The following ULK4 variants were observed in gnomAD, a reference collection of about 807,000 sequenced individuals.
The protein encoded by ULK4 is inactive serine/threonine-protein kinase ULK4.
In ULK4, 133 loss-of-function variants were observed where a neutral mutation model predicts 160.6. That is an observed-to-expected ratio of 0.83 (90% CI 0.72 to 0.96). The LOEUF (loss-of-function observed/expected upper bound fraction) is 0.96, where lower values mean the gene tolerates loss of function less well. Ranked by LOEUF, ULK4 falls within the 40% of genes least tolerant of loss-of-function variation. The pLI is 0.00. For synonymous variants in ULK4, 534 were observed against 539.8 expected, an observed-to-expected ratio of 0.99 and a Z score of 0.15; for missense variants, 1,580 against 1,499.5, an observed-to-expected ratio of 1.05 and a Z score of -0.89.
intron 13 of ULK4, chr3:41,898,962 A>G (rs371738807): frequency 6.5e-6 from 1 of 154,480 alleles, no homozygotes; most frequent in African/African-American, 2.4e-5. Flanking sequence ...CATGCAGGAC[A>G]TAACTACAGA....
intron 35 of ULK4, among the ~76,000 whole-genome samples, chr3:41,355,736 CA>C (rs2081017506): frequency 6.6e-6 from 1 of 152,180 alleles, no homozygotes; most frequent in Admixed American, 6.5e-5. Flanking sequence ...TGGAATAGTG[CA>C]TCACCACAGA....
At chr3:41,685,385 T>C (rs2036067432) in intron 27 of ULK4, among the ~76,000 whole-genome samples, 1 of 152,132 alleles carries the variant, frequency 6.6e-6, no homozygotes, top group Admixed American at 6.5e-5. Flanking sequence ...CTTTAATACA[T>C]TCCCACTGAT....
Position 41,883,931 on chromosome 3 carries a change from T to C in ULK4, c.1599A>G (p.Val533=), listed in dbSNP as rs1716687. Reference sequence around the variant, plus strand: ...CTGTGTGCGAAGCCAGTAAACCAATTACGTGAGCAACCTTGGCCCGTCTGT... The same window carrying C: ...CTGTGTGCGAAGCCAGTAAACCAATCACGTGAGCAACCTTGGCCCGTCTGT... ...NWDIRAKVAH[V]IGLLASHTAE... The change falls in exon 17 of 37, where the codon GTA becomes GTG. Residue 533 remains valine (V), a synonymous_variant. Transcript: ENST00000301831. 1,586,593 of 1,611,248 alleles carry C rather than the reference T, an allele frequency of 0.98. 783,468 individuals carry two copies. The highest frequency in any genetic ancestry group is 1 in the East Asian group (44,881 of 44,882).
intron 33 of ULK4, among the ~76,000 whole-genome samples, chr3:41,457,157 A>G (rs902343709): frequency 5.3e-5 from 8 of 152,114 alleles, no homozygotes; most frequent in Admixed American, 3.3e-4. Context: ...ACATTACCAC[A>G]TTATCCCTTA....
In ULK4 at chr3:41,896,831, A is replaced by G; in HGVS notation, c.1521T>C (p.His507=). 6.2e-7 allele frequency: 1 copy of G among 1,612,498 alleles called. No individual in the cohort carries two copies. Among genetic ancestry groups the G allele is most frequent in the Non-Finnish European group, 8.5e-7 (1 of 1,179,582 alleles). ...GHQEVATRLL[H]SPLFQLLIQH... ...TGTCACACAGGCTTACCAGGGGGGA[A>G]TGGAGGAGCCTGGTGGCCACCTCCT... is the stretch of plus-strand genomic sequence containing the variant. The change falls in exon 15 of 37, where the codon CAT becomes CAC. Residue 507 remains histidine, a synonymous_variant. Transcript: ENST00000301831.
intron 30 of ULK4, among the ~76,000 whole-genome samples, chr3:41,632,970 T>C (rs892096850): frequency 2.0e-5 from 3 of 151,938 alleles, no homozygotes; most frequent in East Asian, 1.9e-4. Flanking sequence ...GGTGGACAGA[T>C]AGAGATGAAG....
intron 31 of ULK4, among the ~76,000 whole-genome samples, chr3:41,608,055 A>C (rs1342253989): frequency 6.6e-6 from 1 of 152,194 alleles, no homozygotes; most frequent in Non-Finnish European, 1.5e-5. Flanking sequence ...TTTTGCTACA[A>C]AACAAAGATA....
chr3:41,939,375 G>A (rs1315640689), intron 2 of ULK4, among the ~76,000 whole-genome samples: 4 of 152,060 alleles, frequency 2.6e-5, no homozygotes, highest in African/African-American at 9.7e-5. Flanking sequence ...GGCCAGGCTG[G>A]TCTTGAACTC....
chr3:41,301,834 T>C (rs2079806430), intron 35 of ULK4, among the ~76,000 whole-genome samples: 1 of 152,166 alleles, frequency 6.6e-6, no homozygotes, highest in Non-Finnish European at 1.5e-5. Context: ...TAAGAGTTAT[T>C]TGATGTTTAC....
At chr3:41,621,926 A>C (rs138933553) in intron 30 of ULK4, among the ~76,000 whole-genome samples, 8 of 152,332 alleles carry the variant, frequency 5.3e-5, no homozygotes, top group Admixed American at 5.2e-4. Context: ...AGAAAAAAAC[A>C]AACAACCCCA....
intron 30 of ULK4, among the ~76,000 whole-genome samples, chr3:41,622,936 G>C (rs2033326338): frequency 1.3e-5 from 2 of 152,084 alleles, no homozygotes; most frequent in Non-Finnish European, 2.9e-5. Flanking sequence ...CAGCCATAAA[G>C]AATATAGAAA....
intron 19 of ULK4, among the ~76,000 whole-genome samples, chr3:41,810,031 G>A (rs2040771584): frequency 6.6e-6 from 1 of 152,180 alleles, no homozygotes; most frequent in South Asian, 2.1e-4. Context: ...TTCAGCTAAT[G>A]TGTTTATTAC....
intron 32 of ULK4, among the ~76,000 whole-genome samples, chr3:41,481,787 A>T (rs1371894909): frequency 6.9e-6 from 1 of 144,032 alleles, no homozygotes; most frequent in East Asian, 2.0e-4. Flanking sequence ...AGATCCCGCC[A>T]CTGCACTCCA....
chr3:41,896,675 G>C, intron 15 of ULK4, 147 bp downstream of exon 15: 2 of 860,790 alleles, frequency 2.3e-6, no homozygotes, highest in Non-Finnish European at 3.4e-6. Flanking sequence ...AGGACCTAAG[G>C]ATTAAGCAGA....
intron 21 of ULK4, among the ~76,000 whole-genome samples, chr3:41,782,836 G>A (rs73071338): frequency 0.12 from 18,837 of 152,080 alleles, 1,347 homozygotes; most frequent in Middle Eastern, 0.27. Flanking sequence ...GCAAATCAAT[G>A]GAAATTATTA....
intron 29 of ULK4, among the ~76,000 whole-genome samples, chr3:41,676,976 G>A (rs1044924871): frequency 2.1e-5 from 3 of 140,124 alleles, no homozygotes; most frequent in Non-Finnish European, 4.5e-5. Context: ...GTAGAATCAC[G>A]GTCACCATAT....
intron 22 of ULK4, among the ~76,000 whole-genome samples, chr3:41,747,087 G>C (rs1249197518): frequency 6.6e-6 from 1 of 151,746 alleles, no homozygotes; most frequent in Non-Finnish European, 1.5e-5. Flanking sequence ...AAAATCTTTG[G>C]GATCTAGACA....
chr3:41,294,015 G>A (rs1285346062), intron 35 of ULK4, among the ~76,000 whole-genome samples: 1 of 152,234 alleles, frequency 6.6e-6, no homozygotes, highest in Admixed American at 6.5e-5. Flanking sequence ...CCGGAGGGTT[G>A]ATGTCACTGG....
chr3:41,706,128 T>A (rs2036868947), intron 25 of ULK4, among the ~76,000 whole-genome samples: 1 of 151,966 alleles, frequency 6.6e-6, no homozygotes, highest in South Asian at 2.1e-4. Flanking sequence ...CTTTGCCGGA[T>A]GACTCCCATT....
Sources: gnomAD v4.1 joint callset for allele counts (sites outside exome capture counted in the v4.1 genomes callset) on GRCh38, gnomAD v4.1.1 for gene constraint, MANE v1.5 for transcripts, NCBI Gene and HGNC (gene_info 2026-07-23, HGNC 2026-07-21) for gene names.